GFRA2: variants seen among roughly 807,000 people sequenced by gnomAD.
The protein encoded by GFRA2 is GDNF family receptor alpha 2.
A neutral mutation model predicts 48.3 loss-of-function variants in GFRA2; 17 were observed. The observed-to-expected ratio is 0.35, with a 90% confidence interval of 0.24 to 0.53. GFRA2 has a LOEUF of 0.53. GFRA2 is among the 20% of genes least tolerant of loss of function. The probability of loss-of-function intolerance (pLI) is 0.93; values close to 1 mark genes in which losing one functional copy is unlikely to be tolerated. For synonymous variants in GFRA2, 305 were observed against 257.2 expected, an observed-to-expected ratio of 1.19 and a Z score of -1.78; for missense variants, 660 against 637.3, an observed-to-expected ratio of 1.04 and a Z score of -0.38.
At chr8:21,793,336 C>A (rs988133672), upstream of GFRA2, among the ~76,000 whole-genome samples, 6 of 151,878 alleles carry the variant, frequency 4.0e-5, no homozygotes, top group Non-Finnish European at 7.4e-5. Context: ...TGTAACAGTC[C>A]CAGGCAGAGG....
intron 3 of GFRA2, among the ~76,000 whole-genome samples, chr8:21,756,944 C>T (rs1349822567): frequency 1.3e-5 from 2 of 152,172 alleles, no homozygotes; most frequent in Non-Finnish European, 2.9e-5. Context: ...CTGAGAGCAG[C>T]CTTGATGGCC....
At position 21,775,066 on chromosome 8, in the gene GFRA2, G is replaced by C; in HGVS notation, c.356-11C>G. On this transcript the variant is annotated splice_polypyrimidine_tract_variant and intron_variant, in intron 2 of 8. Transcript: ENST00000524240. ...CGTAGAACTCCTCACCTGGAAGACA[G>C]AACAGGCATCAGATGCGGGCTCCTC... 1.4e-6 allele frequency: 2 copies of C among 1,480,584 alleles called. No individual in the cohort carries two copies. Among genetic ancestry groups the C allele is most frequent in the Non-Finnish European group, 1.9e-6 (2 of 1,059,416 alleles). 91.7% of individuals were successfully genotyped at this position (1,480,584 alleles called of 1,614,324 possible).
chr8:21,700,254 T>C (rs562020648), intron 7 of GFRA2, among the ~76,000 whole-genome samples: 18 of 77,672 alleles, frequency 2.3e-4, no homozygotes, highest in African/African-American at 1.1e-3. Flanking sequence ...ATATATTTAA[T>C]ATACCAGAAG....
Position 21,807,439 on chromosome 8 carries a change from A to G in GFRA2, c.-147-2311T>C, listed in dbSNP as rs184724803. On this transcript the variant is annotated intron_variant, in intron 1 of 10. Coordinates refer to the GFRA2 transcript ENST00000517328. ...AATAAACTTCTATTCTTTGTAAATTACCCGGTCTGCGGTATTCTGTTATAG... is the reference window on the plus strand; with the variant it reads ...AATAAACTTCTATTCTTTGTAAATTGCCCGGTCTGCGGTATTCTGTTATAG... 2.9e-3 allele frequency among the ~76,000 whole-genome samples: 437 copies of G among 152,342 alleles called. 2 individuals are homozygous for G. Among genetic ancestry groups the G allele is most frequent in the African/African-American group, 9.1e-3 (379 of 41,582 alleles).
intron 3 of GFRA2, among the ~76,000 whole-genome samples, chr8:21,766,501 C>T (rs1259649017): frequency 6.6e-6 from 1 of 151,770 alleles, no homozygotes; most frequent in East Asian, 2.0e-4. Context: ...TCCCTCTGAG[C>T]CTAAGCTCCC....
intron 4 of GFRA2, among the ~76,000 whole-genome samples, chr8:21,735,380 A>G (rs910574584): frequency 2.0e-5 from 3 of 150,736 alleles, no homozygotes; most frequent in Non-Finnish European, 4.4e-5. Flanking sequence ...CCCCCCCCCA[A>G]TCCACCCCTG....
upstream of GFRA2, among the ~76,000 whole-genome samples, chr8:21,789,699 T>G (rs1807492866): frequency 1.3e-5 from 2 of 151,814 alleles, no homozygotes; most frequent in African/African-American, 4.8e-5. Flanking sequence ...CCTCGGGAAC[T>G]TTGCCCTCAC....
At chr8:21,751,562 G>C (rs1426476789) in intron 3 of GFRA2, among the ~76,000 whole-genome samples, 1 of 152,256 alleles carries the variant, frequency 6.6e-6, no homozygotes, top group Non-Finnish European at 1.5e-5. Flanking sequence ...ACACCCAGTA[G>C]TGCAGTTATG....
At chr8:21,797,087 C>A (rs1807690153) in intron 2 of GFRA2, among the ~76,000 whole-genome samples, 1 of 152,110 alleles carries the variant, frequency 6.6e-6, no homozygotes, top group South Asian at 2.1e-4. Context: ...TAACTAACCC[C>A]AAATTCCCTA....
chr8:21,729,234 G>C (rs189217158), intron 4 of GFRA2, among the ~76,000 whole-genome samples: 5 of 152,314 alleles, frequency 3.3e-5, no homozygotes, highest in African/African-American at 1.2e-4. Flanking sequence ...GGAGGCTGAG[G>C]TGGGAGGATC....
rs1488315012 is a variant in GFRA2 at position 21,691,680 on chromosome 8, C to T, written c.*1598G>A. Reference sequence around the variant, plus strand: ...CAACGTGTGATGCCAAGCTGTGGCTCCCCACCACGTCCACGTCCACTGCAT... The same window carrying T: ...CAACGTGTGATGCCAAGCTGTGGCTTCCCACCACGTCCACGTCCACTGCAT... On this transcript the variant is annotated 3_prime_UTR_variant, in exon 9 of 9. Transcript: ENST00000524240. 6.6e-6 allele frequency: 1 copy of T among 152,248 alleles called. No homozygotes were observed. Among genetic ancestry groups the T allele is most frequent in the Non-Finnish European group, 1.5e-5 (1 of 68,086 alleles). The allele number at this position is 152,248 out of a possible 1,614,324, so 9.4% of individuals were successfully genotyped here.
At chr8:21,802,922 A>G (rs1306696225) in intron 2 of GFRA2, among the ~76,000 whole-genome samples, 2 of 152,182 alleles carry the variant, frequency 1.3e-5, no homozygotes, top group East Asian at 3.8e-4. Context: ...ATGGGTGTGA[A>G]CCTACTCTAT....
intron 4 of GFRA2, among the ~76,000 whole-genome samples, chr8:21,728,919 G>T (rs994938282): frequency 1.3e-5 from 2 of 152,338 alleles, no homozygotes; most frequent in Middle Eastern, 3.4e-3. Flanking sequence ...GATGGAGGGG[G>T]TAGTTCTCCT....
chr8:21,788,800 G>C lies in GFRA2; in HGVS notation c.-641C>G. 1 of 985,406 alleles carries C rather than the reference G, an allele frequency of 1.0e-6. No individual in the cohort carries two copies. The highest frequency in any genetic ancestry group is 1.2e-6 in the Non-Finnish European group (1 of 829,954). The allele number at this position is 985,406 out of a possible 1,614,324, so 61.0% of individuals were successfully genotyped here. On this transcript the variant is annotated 5_prime_UTR_variant, in exon 1 of 9. Coordinates refer to ENST00000524240, the MANE Select transcript of GFRA2 (RefSeq NM_001495.5). ...TTCCAGTGACCGTGTGTCTCTGCGT[G>C]CGTGTGTCTTTCTCTCTCCTCTCTC...
At chr8:21,745,722 A>G (rs1309255950) in intron 4 of GFRA2, among the ~76,000 whole-genome samples, 1 of 152,190 alleles carries the variant, frequency 6.6e-6, no homozygotes, top group Non-Finnish European at 1.5e-5. Context: ...ACGGGCATCC[A>G]TAGGACAACT....
chr8:21,732,660 C>T (rs1414156006), intron 4 of GFRA2, among the ~76,000 whole-genome samples: 1 of 152,242 alleles, frequency 6.6e-6, no homozygotes, highest in Admixed American at 6.5e-5. Flanking sequence ...CTGCAGGCCA[C>T]AGACAGGGGC....
At chr8:21,799,840 T>G (rs1807741251) in intron 2 of GFRA2, among the ~76,000 whole-genome samples, 1 of 152,140 alleles carries the variant, frequency 6.6e-6, no homozygotes, top group Non-Finnish European at 1.5e-5. Context: ...AAGAAGCCTG[T>G]GTCCTCTGCA....
intron 6 of GFRA2, among the ~76,000 whole-genome samples, chr8:21,704,695 C>T (rs747166678): frequency 6.6e-6 from 1 of 152,180 alleles, no homozygotes; most frequent in Non-Finnish European, 1.5e-5. Flanking sequence ...CATGAGAGGG[C>T]TCAGTCTCCA....
In GFRA2 at chr8:21,732,861, T is replaced by C. The variant is rs558694664; in HGVS notation, c.794+17727A>G. Among the ~76,000 whole-genome samples, 3 of 152,238 alleles carry C rather than the reference T, an allele frequency of 2.0e-5. No homozygotes were observed. In the South Asian group the frequency reaches 6.2e-4, roughly 32 times the overall value. On this transcript the variant is annotated intron_variant, in intron 4 of 8. Coordinates refer to ENST00000524240, the MANE Select transcript of GFRA2 (RefSeq NM_001495.5). ...GGACAGGCTACAAAGAGCTGAGGAATGGGCACTTCCAAGGCAGGGGAACCT... is the reference window on the plus strand; with the variant it reads ...GGACAGGCTACAAAGAGCTGAGGAACGGGCACTTCCAAGGCAGGGGAACCT...
Sources: allele counts gnomAD v4.1 joint callset (sites outside exome capture counted in the v4.1 genomes callset), GRCh38; gene constraint gnomAD v4.1.1; transcripts MANE v1.5; gene names NCBI Gene and HGNC (gene_info 2026-07-23, HGNC 2026-07-21).